The following LARP1B variants were observed in gnomAD, a reference collection of about 807,000 sequenced individuals.
The protein encoded by LARP1B is la-related protein 1B.
LARP1B carries 76 observed loss-of-function variants against 114.2 expected under a neutral mutation model. The observed-to-expected ratio is 0.67, with a 90% CI of 0.55 to 0.81. The LOEUF is 0.81. Ranked by LOEUF, LARP1B falls within the 30% of genes least tolerant of loss-of-function variation. The pLI is 0.00. For synonymous variants in LARP1B, 345 were observed against 348.0 expected, an observed-to-expected ratio of 0.99 and a Z score of 0.10; for missense variants, 1,014 against 1,075.8, an observed-to-expected ratio of 0.94 and a Z score of 0.80.
intron 18 of LARP1B, chr4:128,206,970 G>C (rs1257803438): frequency 5.1e-6 from 2 of 389,090 alleles, no homozygotes; most frequent in African/African-American, 4.4e-5. Flanking sequence ...ACCCTTGCTA[G>C]CCTCAGTTTT....
downstream of LARP1B, among the ~76,000 whole-genome samples, chr4:128,212,670 A>AC (rs1759147991): frequency 6.6e-6 from 1 of 151,932 alleles, no homozygotes; most frequent in Non-Finnish European, 1.5e-5. Context: ...AACAAAAACA[A>AC]AAAACAAACA....
intron 12 of LARP1B, among the ~76,000 whole-genome samples, chr4:128,169,597 C>G (rs1742641515): frequency 6.6e-6 from 1 of 151,658 alleles, no homozygotes; most frequent in South Asian, 2.1e-4. Flanking sequence ...TTAATATTCT[C>G]TCTCTATCTC....
At chr4:128,167,728 C>T (rs1465365696) in intron 12 of LARP1B, among the ~76,000 whole-genome samples, 2 of 152,038 alleles carry the variant, frequency 1.3e-5, no homozygotes, top group African/African-American at 2.4e-5. Context: ...GTAAACACCA[C>T]CTAGTTAAGT....
upstream of LARP1B, chr4:128,061,180 G>A (rs1462683045): frequency 6.6e-6 from 1 of 152,148 alleles, no homozygotes; most frequent in Non-Finnish European, 1.5e-5. Flanking sequence ...ACCCGGGCGG[G>A]CGAATCCGTC....
At chr4:128,114,894 G>A (rs1785258250) in intron 10 of LARP1B, 152 bp downstream of exon 10, 1 of 571,312 alleles carries the variant, frequency 1.8e-6, no homozygotes, top group African/African-American at 1.9e-5. Flanking sequence ...ACACTTATGG[G>A]TTATTCTATG....
At chr4:128,097,598 C>T (rs184004152) in intron 7 of LARP1B, among the ~76,000 whole-genome samples, 2 of 152,144 alleles carry the variant, frequency 1.3e-5, no homozygotes, top group South Asian at 2.1e-4. Flanking sequence ...TCAGCCACCG[C>T]GCCTGGCCAT....
intron 15 of LARP1B, among the ~76,000 whole-genome samples, chr4:128,197,007 C>T (rs1225563992): frequency 6.6e-6 from 1 of 152,066 alleles, no homozygotes. Flanking sequence ...AATTTATAGA[C>T]AGAAAGTAGA....
chr4:128,065,324 T>TTTC (rs1561012657), intron 1 of LARP1B, among the ~76,000 whole-genome samples: 2,354 of 133,808 alleles, frequency 0.018, 82 homozygotes, highest in Middle Eastern at 0.037. Flanking sequence ...TTTCTCTCTC[T>TTTC]CTCTCTCTTT....
intron 11 of LARP1B, among the ~76,000 whole-genome samples, chr4:128,129,833 A>AC (rs1320050907): frequency 6.6e-6 from 1 of 152,206 alleles, no homozygotes; most frequent in Non-Finnish European, 1.5e-5. Flanking sequence ...GAAAAAAAAA[A>AC]AATGAATCTT....
chr4:128,176,066 C>G, intron 12 of LARP1B, among the ~76,000 whole-genome samples: 1 of 147,824 alleles, frequency 6.8e-6, no homozygotes, highest in Non-Finnish European at 1.5e-5. Context: ...GTTTTTATCT[C>G]TAGGATTGTC....
At chr4:128,066,572 G>A (rs189123338) in intron 1 of LARP1B, among the ~76,000 whole-genome samples, 28 of 151,190 alleles carry the variant, frequency 1.9e-4, no homozygotes, top group Non-Finnish European at 1.5e-5. Flanking sequence ...CCACCTCCTG[G>A]GTTCCCCCGA....
intron 12 of LARP1B, among the ~76,000 whole-genome samples, chr4:128,170,660 A>G (rs1258727624): frequency 6.6e-6 from 1 of 151,716 alleles, no homozygotes; most frequent in African/African-American, 2.4e-5. Context: ...TTTCTTTCTC[A>G]TGGTATGTGA....
chr4:128,174,954 T>C (rs1294385860), intron 12 of LARP1B, among the ~76,000 whole-genome samples: 1 of 152,116 alleles, frequency 6.6e-6, no homozygotes, highest in Admixed American at 6.6e-5. Context: ...AATTGTTTGA[T>C]TGAACTAGGA....
At chr4:128,095,112 A>C (rs920983159) in intron 7 of LARP1B, among the ~76,000 whole-genome samples, 11 of 152,174 alleles carry the variant, frequency 7.2e-5, no homozygotes, top group African/African-American at 2.7e-4. Flanking sequence ...ACTATGAATA[A>C]GGCTTTTGAG....
At chr4:128,098,767 A>ATATATATATATATGTATT (rs1328165907) in intron 8 of LARP1B, among the ~76,000 whole-genome samples, 1 of 35,036 alleles carries the variant, frequency 2.9e-5, no homozygotes, top group African/African-American at 1.3e-4. Context: ...ATATATATAT[A>ATATATATATATATGTATT]TTTTTTTTTT....
At chr4:128,077,050 G>A (rs1190782838) in intron 3 of LARP1B, among the ~76,000 whole-genome samples, 1 of 151,998 alleles carries the variant, frequency 6.6e-6, no homozygotes, top group Non-Finnish European at 1.5e-5. Flanking sequence ...ATATGGTCAA[G>A]TTTCAAAAAA....
intron 12 of LARP1B, among the ~76,000 whole-genome samples, chr4:128,171,862 T>C (rs2150562568): frequency 6.6e-6 from 1 of 152,276 alleles, no homozygotes; most frequent in South Asian, 2.1e-4. Flanking sequence ...TAATAATTTA[T>C]AGTCATTCAA....
intron 15 of LARP1B, among the ~76,000 whole-genome samples, chr4:128,196,687 T>C (rs1309300692): frequency 6.6e-6 from 1 of 151,972 alleles, no homozygotes; most frequent in Non-Finnish European, 1.5e-5. Context: ...CTCTACCAGC[T>C]ATACCACTCT....
intron 4 of LARP1B, among the ~76,000 whole-genome samples, chr4:128,081,619 T>A (rs975543539): frequency 6.6e-6 from 1 of 152,114 alleles, no homozygotes; most frequent in East Asian, 1.9e-4. Context: ...AGGCCAACTA[T>A]GGGGATTGTA....
Sources: allele counts gnomAD v4.1 joint callset (sites outside exome capture counted in the v4.1 genomes callset), GRCh38; gene constraint gnomAD v4.1.1; transcripts MANE v1.5; gene names NCBI Gene and HGNC (gene_info 2026-07-23, HGNC 2026-07-21).